Variants in ISM1 observed in about 807,000 individuals in gnomAD.
ISM1 encodes the protein isthmin-1.
Under a neutral mutation model 46.3 loss-of-function variants are expected in ISM1, and 25 were observed. The observed-to-expected ratio is 0.54, with a 90% confidence interval of 0.39 to 0.75. The LOEUF (loss-of-function observed/expected upper bound fraction) is 0.75, where lower values mean the gene tolerates loss of function less well. ISM1 is among the 30% of genes least tolerant of loss of function. ISM1 has a pLI of 0.00. For missense variants in ISM1, 536 were observed against 625.4 expected, an observed-to-expected ratio of 0.86 and a Z score of 1.52; for synonymous variants, 255 against 256.7, an observed-to-expected ratio of 0.99 and a Z score of 0.06.
chr20:13,282,378 G>T (rs997758754), intron 3 of ISM1, among the ~76,000 whole-genome samples: 2 of 152,178 alleles, frequency 1.3e-5, no homozygotes, highest in African/African-American at 4.8e-5. Context: ...GTCACCAGAT[G>T]ATTCTCTTGC....
At chr20:13,271,099 T>C (rs964445366) in intron 2 of ISM1, among the ~76,000 whole-genome samples, 2 of 152,130 alleles carry the variant, frequency 1.3e-5, no homozygotes, top group African/African-American at 2.4e-5. Flanking sequence ...ATTGATGAAA[T>C]GTGGCCGTTA....
the ISM1 span, among the ~76,000 whole-genome samples, chr20:13,321,309 G>T: frequency 1.1e-5 from 1 of 87,984 alleles, no homozygotes; most frequent in Non-Finnish European, 2.4e-5. Flanking sequence ...ATGCTGAAAA[G>T]AAAATTAGCA....
intron 3 of ISM1, among the ~76,000 whole-genome samples, chr20:13,283,930 G>A (rs2040264763): frequency 6.6e-6 from 1 of 152,108 alleles, no homozygotes; most frequent in African/African-American, 2.4e-5. Flanking sequence ...AGAGCAACGT[G>A]GGCCAGAATC....
At chr20:13,248,185 C>T (rs2039824370) in intron 1 of ISM1, among the ~76,000 whole-genome samples, 1 of 152,182 alleles carries the variant, frequency 6.6e-6, no homozygotes, top group Non-Finnish European at 1.5e-5. Context: ...CACAAATTGT[C>T]AGATATTCTT....
chr20:13,263,917 T>C (rs2040015956), intron 1 of ISM1, among the ~76,000 whole-genome samples: 1 of 152,368 alleles, frequency 6.6e-6, no homozygotes. Context: ...CCAAATGCAT[T>C]GCTAATAATA....
chr20:13,268,275 C>G (rs928057190), intron 1 of ISM1, among the ~76,000 whole-genome samples: 10 of 150,798 alleles, frequency 6.6e-5, no homozygotes. Flanking sequence ...CTCTCTCGCT[C>G]CTTCTCTTTC....
At chr20:13,309,462 C>A in the ISM1 span, among the ~76,000 whole-genome samples, 1 of 152,134 alleles carries the variant, frequency 6.6e-6, no homozygotes, top group Admixed American at 6.5e-5. Flanking sequence ...CCACAGCTAA[C>A]ATCATACTCA....
downstream of ISM1, among the ~76,000 whole-genome samples, chr20:13,305,563 G>A (rs192886219): frequency 2.6e-5 from 4 of 152,200 alleles, no homozygotes; most frequent in East Asian, 1.9e-4. Context: ...GCACAATTTC[G>A]GACAAATTAA....
At chr20:13,301,377 T>C (rs546337140), downstream of ISM1, among the ~76,000 whole-genome samples, 5 of 152,220 alleles carry the variant, frequency 3.3e-5, no homozygotes, top group East Asian at 9.7e-4. Context: ...TTAGGAGAGA[T>C]AAGGTTTCAC....
intron 1 of ISM1, among the ~76,000 whole-genome samples, chr20:13,269,469 T>C (rs1387521596): frequency 6.6e-6 from 1 of 152,250 alleles, no homozygotes; most frequent in East Asian, 1.9e-4. Context: ...TCTTTGGCTA[T>C]TCCTGTCTCT....
At chr20:13,253,450 CTG>C (rs765821359) in intron 1 of ISM1, among the ~76,000 whole-genome samples, 13 of 152,180 alleles carry the variant, frequency 8.5e-5, no homozygotes, top group Non-Finnish European at 1.3e-4. Flanking sequence ...TTTGAGAGCG[CTG>C]TGTTTCCTGG....
At chr20:13,255,452 AAAG>A (rs1392596061) in intron 1 of ISM1, among the ~76,000 whole-genome samples, 1 of 152,216 alleles carries the variant, frequency 6.6e-6, no homozygotes, top group African/African-American at 2.4e-5. Flanking sequence ...TAGAAAAAGA[AAAG>A]AAGTATATAT....
chr20:13,246,348 C>G (rs1169699436), intron 1 of ISM1, among the ~76,000 whole-genome samples: 1 of 151,814 alleles, frequency 6.6e-6, no homozygotes, highest in Non-Finnish European at 1.5e-5. Flanking sequence ...CAGCATGGTT[C>G]ATCCACTGAG....
At chr20:13,307,196 T>C in the ISM1 span, among the ~76,000 whole-genome samples, 123,281 of 151,870 alleles carry the variant, frequency 0.81, 50,068 homozygotes, top group East Asian at 0.87. Context: ...CCCCACAGCA[T>C]TCCTCCCATC....
At chr20:13,253,172 G>A (rs2039886566) in intron 1 of ISM1, among the ~76,000 whole-genome samples, 1 of 152,184 alleles carries the variant, frequency 6.6e-6, no homozygotes, top group Admixed American at 6.5e-5. Flanking sequence ...AAGCAGGAAG[G>A]AACCAAGTCT....
the ISM1 span, among the ~76,000 whole-genome samples, chr20:13,309,408 A>G: frequency 6.6e-6 from 1 of 152,220 alleles, no homozygotes; most frequent in Non-Finnish European, 1.5e-5. Flanking sequence ...AATTAGGTGT[A>G]GAAGAAATGC....
chr20:13,281,759 G>C (rs1357750381), intron 3 of ISM1, among the ~76,000 whole-genome samples: 2 of 152,208 alleles, frequency 1.3e-5, no homozygotes, highest in Admixed American at 6.5e-5. Context: ...GAAGCACAGA[G>C]GACCGCTTGA....
At chr20:13,260,887 A>T (rs115343992) in intron 1 of ISM1, among the ~76,000 whole-genome samples, 1,706 of 152,312 alleles carry the variant, frequency 0.011, 39 homozygotes, top group African/African-American at 0.039. Flanking sequence ...GGGGAGGCTC[A>T]GCCAGGGCTG....
intron 1 of ISM1, among the ~76,000 whole-genome samples, chr20:13,239,932 A>G (rs2039699009): frequency 6.6e-6 from 1 of 152,210 alleles, no homozygotes; most frequent in Non-Finnish European, 1.5e-5. Flanking sequence ...AGCCCCACTT[A>G]GCTAAAGAGA....
Sources: gnomAD v4.1 joint callset for allele counts (sites outside exome capture counted in the v4.1 genomes callset) on GRCh38, gnomAD v4.1.1 for gene constraint, MANE v1.5 for transcripts, NCBI Gene and HGNC (gene_info 2026-07-23, HGNC 2026-07-21) for gene names.